CA10: variants seen among roughly 807,000 people sequenced by gnomAD.
The protein encoded by CA10 is carbonic anhydrase-related protein 10.
A neutral mutation model predicts 44.2 loss-of-function variants in CA10; 14 were observed. The observed-to-expected ratio is 0.32, with a 90% CI of 0.21 to 0.50. CA10 has a LOEUF of 0.50. Among genes scored for constraint, CA10 ranks in the 20% least tolerant of loss-of-function variants. The pLI, the probability that CA10 is intolerant of heterozygous loss-of-function variation, is 0.99. For missense variants in CA10, 350 were observed against 409.7 expected (o/e 0.85, Z 1.26); for synonymous variants, 159 against 141.6 (o/e 1.12, Z -0.87).
chr17:51,834,592 A>G (rs1430328995), intron 3 of CA10, among the ~76,000 whole-genome samples: 1 of 152,196 alleles, frequency 6.6e-6, no homozygotes, highest in Non-Finnish European at 1.5e-5. Flanking sequence ...AGCTGTGAGG[A>G]TCATGTAGCA....
At chr17:51,803,628 A>T (rs1907020322) in intron 3 of CA10, among the ~76,000 whole-genome samples, 1 of 152,246 alleles carries the variant, frequency 6.6e-6, no homozygotes, top group Non-Finnish European at 1.5e-5. Flanking sequence ...CTGATTTTTA[A>T]GTTCCAGCTT....
intron 1 of CA10, among the ~76,000 whole-genome samples, chr17:52,111,395 C>T (rs1988786508): frequency 6.6e-6 from 1 of 152,196 alleles, no homozygotes; most frequent in Admixed American, 6.5e-5. Flanking sequence ...TGTTTCCAAG[C>T]ATGTAAGTGA....
rs73987125 is a variant in CA10 at position 51,636,089 on chromosome 17, C to T, written c.635-80G>A. On this transcript the variant is annotated intron_variant, in intron 6 of 8. Transcript: ENST00000451037. ...GCTGACATACATACATACATACATA[C>T]ATATACATATACATATACATACATA... 6.7e-3 allele frequency: 3,338 copies of T among 495,542 alleles called. 77 individuals carry two copies. The highest frequency in any genetic ancestry group is 0.058 in the African/African-American group (2,803 of 48,054). The allele number at this position is 495,542 out of a possible 1,614,324, so 30.7% of individuals were successfully genotyped here.
chr17:52,037,678 T>A (rs570234341), intron 2 of CA10, among the ~76,000 whole-genome samples: 1 of 152,238 alleles, frequency 6.6e-6, no homozygotes, highest in South Asian at 2.1e-4. Context: ...GATCCCCAGA[T>A]GACACTAGAC....
At chr17:51,861,569 T>G (rs1181621194) in intron 3 of CA10, among the ~76,000 whole-genome samples, 1 of 151,580 alleles carries the variant, frequency 6.6e-6, no homozygotes, top group African/African-American at 2.4e-5. Context: ...ATGAGATGAT[T>G]TGGGTCAACT....
intron 1 of CA10, among the ~76,000 whole-genome samples, chr17:52,075,691 C>G (rs1987800035): frequency 6.6e-6 from 1 of 152,060 alleles, no homozygotes; most frequent in Non-Finnish European, 1.5e-5. Flanking sequence ...CTTAAGTGCC[C>G]TCACCCATTT....
intron 1 of CA10, among the ~76,000 whole-genome samples, chr17:52,103,701 G>C (rs146081675): frequency 1.4e-4 from 21 of 152,320 alleles, no homozygotes; most frequent in African/African-American, 4.3e-4. Context: ...GGGAACTACT[G>C]TTGGTGATTC....
intron 3 of CA10, among the ~76,000 whole-genome samples, chr17:51,920,223 C>T (rs760917706): frequency 2.0e-5 from 3 of 152,032 alleles, no homozygotes; most frequent in Non-Finnish European, 4.4e-5. Flanking sequence ...TAAAATGTTC[C>T]ATGAAAGTGG....
intron 2 of CA10, among the ~76,000 whole-genome samples, chr17:52,067,499 A>C (rs1987569284): frequency 6.6e-6 from 1 of 152,172 alleles, no homozygotes; most frequent in African/African-American, 2.4e-5. Context: ...GTGGAAGGGA[A>C]ATGCGGGGTG....
chr17:51,850,825 TTCCCATAGAA>T (rs1471312407), intron 3 of CA10, among the ~76,000 whole-genome samples: 9 of 152,212 alleles, frequency 5.9e-5, no homozygotes, highest in African/African-American at 1.9e-4. Context: ...GTCTGGTTTC[TTCCCATAGAA>T]TCTTTGCAGT....
intron 2 of CA10, among the ~76,000 whole-genome samples, chr17:52,037,870 T>C (rs574616534): frequency 6.6e-6 from 1 of 152,282 alleles, no homozygotes; most frequent in East Asian, 1.9e-4. Context: ...TAAAGCTTGA[T>C]TCTTGTTCCA....
chr17:52,043,188 C>T (rs998514224), intron 2 of CA10, among the ~76,000 whole-genome samples: 1 of 152,050 alleles, frequency 6.6e-6, no homozygotes, highest in Non-Finnish European at 1.5e-5. Flanking sequence ...AGCATTTTAA[C>T]AACGTTAATC....
intron 4 of CA10, among the ~76,000 whole-genome samples, chr17:51,702,509 A>G (rs141796037): frequency 6.6e-6 from 1 of 152,312 alleles, no homozygotes; most frequent in South Asian, 2.1e-4. Flanking sequence ...TTTACAGAGA[A>G]TCTTTACCTT....
At chr17:51,941,491 T>C (rs1004211625) in intron 2 of CA10, among the ~76,000 whole-genome samples, 2 of 152,138 alleles carry the variant, frequency 1.3e-5, no homozygotes, top group Non-Finnish European at 2.9e-5. Flanking sequence ...AATTAGTTGA[T>C]AGAAACTGGG....
chr17:51,920,216 A>C (rs1236174069), intron 3 of CA10, among the ~76,000 whole-genome samples: 3 of 152,216 alleles, frequency 2.0e-5, no homozygotes, highest in Non-Finnish European at 4.4e-5. Context: ...GTTTAGTTAA[A>C]ATGTTCCATG....
chr17:52,047,066 G>A (rs2109451), intron 2 of CA10, among the ~76,000 whole-genome samples: 151,249 of 152,090 alleles, frequency 0.99, 75,208 homozygotes, highest in Non-Finnish European at 1. Flanking sequence ...AAATCTAGAA[G>A]CAACTCAAAC....
chr17:52,058,247 A>G (rs989227), intron 2 of CA10, among the ~76,000 whole-genome samples: 151,085 of 152,264 alleles, frequency 0.99, 74,970 homozygotes, highest in East Asian at 1. Context: ...TTGCTTTTAT[A>G]CAACTTTAAA....
chr17:51,870,099 T>G (rs957352390), intron 3 of CA10, among the ~76,000 whole-genome samples: 4 of 152,222 alleles, frequency 2.6e-5, no homozygotes, highest in Non-Finnish European at 5.9e-5. Flanking sequence ...GAATCTGACA[T>G]ACAGTTATGA....
chr17:51,658,283 G>A (rs1306173221), intron 4 of CA10, among the ~76,000 whole-genome samples: 1 of 152,220 alleles, frequency 6.6e-6, no homozygotes, highest in Non-Finnish European at 1.5e-5. Context: ...ACTATGTGCT[G>A]AGGTCAATTG....
Sources: allele counts gnomAD v4.1 joint callset (sites outside exome capture counted in the v4.1 genomes callset), GRCh38; gene constraint gnomAD v4.1.1; transcripts MANE v1.5; gene names NCBI Gene and HGNC (gene_info 2026-07-23, HGNC 2026-07-21).